CD40: variants seen among roughly 807,000 people sequenced by gnomAD.
CD40 encodes the protein tumor necrosis factor receptor superfamily member 5.
CD40 carries 19 observed loss-of-function variants against 38.5 expected under a neutral mutation model. That is an observed-to-expected ratio of 0.49 (90% CI 0.34 to 0.72). The LOEUF is 0.72. CD40 is among the 30% of genes least tolerant of loss of function. The pLI is 0.01. For missense variants in CD40, 256 were observed against 344.1 expected (o/e 0.74, Z 2.03); for synonymous variants, 130 against 128.7 (o/e 1.01, Z -0.07).
At chr20:46,128,671 GC>G in intron 8 of CD40, 1 of 658,278 alleles carries the variant, frequency 1.5e-6, no homozygotes, top group African/African-American at 1.8e-5. Context: ...AAATGTGGCA[GC>G]CCCTTAAGCC....
intron 1 of CD40, 124 bp from the exon 2 acceptor site, chr20:46,121,696 C>T: frequency 1.3e-6 from 1 of 793,776 alleles, no homozygotes; most frequent in Middle Eastern, 2.2e-4. Context: ...CATGCAGGTT[C>T]CACTTTCTGT....
intron 5 of CD40, among the ~76,000 whole-genome samples, chr20:46,124,496 AAC>A (rs756357206): frequency 3.4e-4 from 51 of 149,292 alleles, no homozygotes; most frequent in South Asian, 6.4e-4. Flanking sequence ...TAAACAAACC[AAC>A]ACACACACAC....
intron 1 of CD40, among the ~76,000 whole-genome samples, chr20:46,119,981 T>C (rs1288135233): frequency 2.0e-5 from 3 of 152,172 alleles, no homozygotes; most frequent in African/African-American, 4.8e-5. Context: ...TTCCTATCTT[T>C]GGGAGTGTGG....
intron 5 of CD40, among the ~76,000 whole-genome samples, chr20:46,125,906 C>G (rs919895705): frequency 1.3e-5 from 2 of 152,174 alleles, no homozygotes; most frequent in Admixed American, 1.3e-4. Context: ...TTCCTAACAC[C>G]ATCCTGCATG....
chr20:46,120,439 CT>C (rs1275536857), intron 1 of CD40, among the ~76,000 whole-genome samples: 5 of 152,244 alleles, frequency 3.3e-5, no homozygotes, highest in Admixed American at 2.6e-4. Context: ...TTTTCACTGG[CT>C]GTTCCCAAAC....
At chr20:46,126,048 C>G (rs914384401) in intron 5 of CD40, among the ~76,000 whole-genome samples, 1 of 152,292 alleles carries the variant, frequency 6.6e-6, no homozygotes, top group Admixed American at 6.5e-5. Flanking sequence ...AACCTTAAAC[C>G]AGAGGTTCTC....
intron 6 of CD40, among the ~76,000 whole-genome samples, chr20:46,127,485 T>A (rs2085460639): frequency 6.6e-6 from 1 of 152,226 alleles, no homozygotes; most frequent in Non-Finnish European, 1.5e-5. Flanking sequence ...GGCCGTAGTT[T>A]GCTGACTTGG....
In CD40 at chr20:46,128,365, C is replaced by T. The variant is rs1205217744; in HGVS notation, c.675+7C>T. On this transcript the variant is annotated splice_region_variant and intron_variant, in intron 8 of 8. Coordinates refer to ENST00000372285, the MANE Select transcript of CD40 (RefSeq NM_001250.6). ...CAAGAAGCCAACCAATAAGGTAGGTCACCCCTGAGAACCCGGGACAGAGTT... is the reference window on the plus strand; with the variant it reads ...CAAGAAGCCAACCAATAAGGTAGGTTACCCCTGAGAACCCGGGACAGAGTT... The T allele has an allele frequency of 1.2e-6, 2 of 1,603,142 alleles. No individual in the cohort carries two copies. The highest frequency in any genetic ancestry group is 2.2e-5 in the East Asian group (1 of 44,558).
intron 5 of CD40, among the ~76,000 whole-genome samples, chr20:46,126,088 C>T (rs373800375): frequency 2.9e-4 from 44 of 152,298 alleles, no homozygotes; most frequent in African/African-American, 2.6e-4. Flanking sequence ...CCCTGTGGAA[C>T]GTTTGCCAAT....
intron 5 of CD40, among the ~76,000 whole-genome samples, chr20:46,123,624 G>T (rs1224071174): frequency 6.6e-6 from 1 of 152,022 alleles, no homozygotes; most frequent in Non-Finnish European, 1.5e-5. Flanking sequence ...ACCCACACCA[G>T]GTCCTGCCAC....
intron 8 of CD40, 124 bp from the exon 9 acceptor site, chr20:46,128,758 G>T: frequency 9.7e-7 from 1 of 1,032,652 alleles, no homozygotes; most frequent in Non-Finnish European, 1.5e-6. Flanking sequence ...CGAGGAATCA[G>T]CACTGACCCG....
intron 5 of CD40, among the ~76,000 whole-genome samples, chr20:46,124,497 AC>A (rs1305463687): frequency 7.5e-5 from 11 of 147,196 alleles, no homozygotes; most frequent in Non-Finnish European, 1.4e-4. Flanking sequence ...AAACAAACCA[AC>A]ACACACACAC....
At position 46,122,682 on chromosome 20, in the gene CD40, A is replaced by G. The variant is rs564200263; in HGVS notation, c.329A>G (p.His110Arg). The G allele has an allele frequency of 6.2e-7, 1 of 1,614,134 alleles. No homozygotes were observed. The highest frequency in any genetic ancestry group is 8.5e-7 in the Non-Finnish European group (1 of 1,180,028). Residue 110 changes from histidine (H) to arginine (R), a missense_variant, in exon 4 of 9, where the codon CAC (histidine) becomes CGC (arginine). By Grantham distance (29) the His-to-Arg change is conservative (BLOSUM62 0). Transcript: ENST00000372285. This position sits in a 1 kb window ranked among gnomAD's most constrained non-coding sequence, Gnocchi z 5.0. ...ATCTGCACCTGTGAAGAAGGCTGGC[A>G]CTGTACGAGTGAGGCCTGTGAGAGC... ...DTICTCEEGW[H>R]CTSEACESCV...
At position 46,121,708 on chromosome 20, in the gene CD40, T is replaced by C. The variant is rs2085320882; in HGVS notation, c.52-112T>C. 3.6e-6 allele frequency: 3 copies of C among 833,828 alleles called. No individual in the cohort carries two copies. In the Middle Eastern group the frequency reaches 6.6e-4, roughly 183 times the overall value. 51.7% of individuals were successfully genotyped at this position (833,828 alleles called of 1,614,324 possible). Reference sequence around the variant, plus strand: ...TATCATGCAGGTTCCACTTTCTGTTTTGACTTGCACTTCAGTTTGCAGCCT... The same window carrying C: ...TATCATGCAGGTTCCACTTTCTGTTCTGACTTGCACTTCAGTTTGCAGCCT... On this transcript the variant is annotated intron_variant, in intron 1 of 8. Coordinates refer to ENST00000372285, the MANE Select transcript of CD40 (RefSeq NM_001250.6).
intron 4 of CD40, 49 bp from the exon 5 acceptor site, chr20:46,123,077 C>G (rs1490748699): frequency 1.4e-6 from 2 of 1,391,212 alleles, no homozygotes; most frequent in African/African-American, 2.8e-5. Context: ...GTGAGCCGGA[C>G]AGGTGGTCCA....
In CD40 at chr20:46,122,393, C is replaced by T. The variant is rs199776150; in HGVS notation, c.256+35C>T. 4.3e-6 allele frequency: 7 copies of T among 1,613,834 alleles called. No individual in the cohort carries two copies. In the East Asian group the frequency reaches 1.6e-4, roughly 36 times the overall value. On this transcript the variant is annotated intron_variant, in intron 3 of 8. Coordinates refer to ENST00000372285, the MANE Select transcript of CD40 (RefSeq NM_001250.6). The surrounding 1 kb of genome is among the most constrained non-coding windows in gnomAD (Gnocchi z 5.0). ...CTGTTGGGAAAGGGACGCTTGGGAACCGGGCTGATATTCCCGACAATGCAG... is the reference window on the plus strand; with the variant it reads ...CTGTTGGGAAAGGGACGCTTGGGAATCGGGCTGATATTCCCGACAATGCAG...
chr20:46,129,820 A>G lies in CD40; in HGVS notation c.*780A>G, dbSNP rs2085520973. The G allele has an allele frequency of 6.6e-6, 1 of 152,164 alleles. No homozygotes were observed. Among genetic ancestry groups the G allele is most frequent in the Non-Finnish European group, 1.5e-5 (1 of 68,036 alleles). The allele number at this position is 152,164 out of a possible 1,614,324, so 9.4% of individuals were successfully genotyped here. ...TCCCAAAAGGAGAGTGAATTCACAT[A>G]ATGCTTATGTAATTAAAAAATCATC... On this transcript the variant is annotated 3_prime_UTR_variant, in exon 9 of 9. Coordinates refer to ENST00000372285, the MANE Select transcript of CD40 (RefSeq NM_001250.6).
chr20:46,127,949 C>A, intron 6 of CD40, 189 bp from the exon 7 acceptor site: 1 of 1,102,710 alleles, frequency 9.1e-7, no homozygotes, highest in Non-Finnish European at 1.3e-6. Flanking sequence ...TATTTCCAAA[C>A]GTTAAGAAAA....
At chr20:46,119,022 AACAGTTTATGGGAC>A (rs2085267149) in intron 1 of CD40, among the ~76,000 whole-genome samples, 1 of 151,626 alleles carries the variant, frequency 6.6e-6, no homozygotes, top group Non-Finnish European at 1.5e-5. Flanking sequence ...TGGGGAGATG[AACAGTTTATGGGAC>A]ACAATAAAGG....
Sources: gnomAD v4.1 joint callset for allele counts (sites outside exome capture counted in the v4.1 genomes callset) on GRCh38, gnomAD v4.1.1 for gene constraint, Gnocchi (gnomAD v3.1) non-coding constraint, MANE v1.5 for transcripts, NCBI Gene and HGNC (gene_info 2026-07-23, HGNC 2026-07-21) for gene names.